The following RAB8B variants were observed in gnomAD, a reference collection of about 807,000 sequenced individuals.
RAB8B encodes the protein ras-related protein Rab-8B.
In RAB8B, 11 loss-of-function variants were observed where a neutral mutation model predicts 32.0. That is an observed-to-expected ratio of 0.34 (90% CI 0.22 to 0.57). The LOEUF (loss-of-function observed/expected upper bound fraction) is 0.57, where lower values mean the gene tolerates loss of function less well. Among genes scored for constraint, RAB8B ranks in the 20% least tolerant of loss-of-function variants. The probability of loss-of-function intolerance (pLI) is 0.86; values close to 1 mark genes in which losing one functional copy is unlikely to be tolerated. For synonymous variants in RAB8B, 103 were observed against 89.6 expected (o/e 1.15, Z -0.85); for missense variants, 190 against 258.5 (o/e 0.73, Z 1.82).
intron 1 of RAB8B, among the ~76,000 whole-genome samples, chr15:63,211,056 A>G (rs556186145): frequency 2.6e-5 from 4 of 152,342 alleles, no homozygotes; most frequent in Non-Finnish European, 5.9e-5. Flanking sequence ...TGCAATATCA[A>G]AAGATAAACA....
Position 63,267,691 on chromosome 15 carries a change from T to A in RAB8B, c.*4072T>A, listed in dbSNP as rs1486272726. ...CTGTGTACTGATACTGATGCTATGT[T>A]TTTTTTAAATGGATTTTATTCCAGG... is the stretch of plus-strand genomic sequence containing the variant. On this transcript the variant is annotated 3_prime_UTR_variant, in exon 8 of 8. Coordinates refer to ENST00000321437, the MANE Select transcript of RAB8B (RefSeq NM_016530.3). The A allele has an allele frequency of 6.6e-6, 1 of 152,240 alleles. No individual in the cohort carries two copies. Among genetic ancestry groups the A allele is most frequent in the Non-Finnish European group, 1.5e-5 (1 of 68,046 alleles). The allele number at this position is 152,240 out of a possible 1,614,324, so 9.4% of individuals were successfully genotyped here. A position where few individuals can be genotyped will look rare whatever the true frequency, so the allele number is the denominator to read the frequency against.
At chr15:63,199,412 A>G (rs1390279016) in intron 1 of RAB8B, among the ~76,000 whole-genome samples, 1 of 152,224 alleles carries the variant, frequency 6.6e-6, no homozygotes, top group Non-Finnish European at 1.5e-5. Context: ...GCCAGTAATG[A>G]ACACAGACCA....
At chr15:63,247,751 CAGA>C (rs1457607987) in intron 2 of RAB8B, among the ~76,000 whole-genome samples, 1 of 152,128 alleles carries the variant, frequency 6.6e-6, no homozygotes, top group African/African-American at 2.4e-5. Flanking sequence ...AGAACTGGGA[CAGA>C]AGAAGAATAT....
intron 1 of RAB8B, among the ~76,000 whole-genome samples, chr15:63,192,694 C>T (rs1015022518): frequency 3.3e-5 from 5 of 152,176 alleles, no homozygotes; most frequent in Admixed American, 6.5e-5. Context: ...TGCCATCTTT[C>T]GACACTGTTT....
chr15:63,253,497 G>A (rs1461604084), intron 3 of RAB8B, among the ~76,000 whole-genome samples: 1 of 152,072 alleles, frequency 6.6e-6, no homozygotes, highest in Non-Finnish European at 1.5e-5. Flanking sequence ...TACCCTTACG[G>A]AAAGTGGATT....
Position 63,244,787 on chromosome 15 carries a change from A to C in RAB8B, c.156A>C (p.Leu52=), listed in dbSNP as rs772347340. Residue 52 remains leucine (L), a synonymous_variant, in exon 2 of 8, where the codon CTA becomes CTC. Coordinates refer to ENST00000321437, the MANE Select transcript of RAB8B (RefSeq NM_016530.3). The part of the protein sequence containing the change: ...GIDFKIRTIE[L]DGKKIKLQIW... ...ATTTTAAAATTAGAACGATAGAACTAGATGGAAAGAAAATTAAGCTTCAGA... is the reference window on the plus strand; with the variant it reads ...ATTTTAAAATTAGAACGATAGAACTCGATGGAAAGAAAATTAAGCTTCAGA... 12 of 1,583,182 alleles carry C rather than the reference A, an allele frequency of 7.6e-6. No individual in the cohort carries two copies. The South Asian group carries it at 1.3e-4, about 18-fold the overall frequency.
chr15:63,262,582 A>G (rs542792206), intron 6 of RAB8B, 110 bp from the exon 7 acceptor site: 34 of 326,622 alleles, frequency 1.0e-4, no homozygotes, highest in Non-Finnish European at 1.7e-4. Flanking sequence ...CCAGGGCAAC[A>G]TAGCAAGACC....
intron 1 of RAB8B, among the ~76,000 whole-genome samples, chr15:63,214,118 C>T (rs1277828862): frequency 2.6e-5 from 4 of 151,616 alleles, no homozygotes; most frequent in African/African-American, 4.8e-5. Context: ...GCTATACCAA[C>T]GTGTAAAATG....
At chr15:63,232,490 A>G (rs1384812288) in intron 1 of RAB8B, among the ~76,000 whole-genome samples, 2 of 152,252 alleles carry the variant, frequency 1.3e-5, no homozygotes, top group South Asian at 2.1e-4. Context: ...TACAGCTGTC[A>G]TATGAAGAAT....
At chr15:63,252,922 A>G (rs2038128951) in intron 3 of RAB8B, among the ~76,000 whole-genome samples, 1 of 152,042 alleles carries the variant, frequency 6.6e-6, no homozygotes, top group Non-Finnish European at 1.5e-5. Flanking sequence ...CTAATTTTGT[A>G]TTTTTAATAG....
chr15:63,215,012 C>T (rs145996353), intron 1 of RAB8B, among the ~76,000 whole-genome samples: 39 of 152,280 alleles, frequency 2.6e-4, no homozygotes, highest in Admixed American at 5.2e-4. Context: ...TTCTGATCTC[C>T]TTTCCTATCC....
chr15:63,196,392 A>G lies in RAB8B; in HGVS notation c.124+6644A>G, dbSNP rs139959801. Among the ~76,000 whole-genome samples, 32 of 152,332 alleles carry G rather than the reference A, an allele frequency of 2.1e-4. No individual in the cohort carries two copies. In the East Asian group the frequency reaches 6.2e-3, roughly 29 times the overall value. ...GAGGTGGACTAGTATGTTTGGCATT[A>G]TGGAGATAGCATGTTGAATTAAGAG... On this transcript the variant is annotated intron_variant, in intron 1 of 7. Coordinates refer to ENST00000321437, the MANE Select transcript of RAB8B (RefSeq NM_016530.3).
At chr15:63,212,428 T>A (rs1370300218) in intron 1 of RAB8B, among the ~76,000 whole-genome samples, 1 of 152,178 alleles carries the variant, frequency 6.6e-6, no homozygotes, top group African/African-American at 2.4e-5. Flanking sequence ...GCGTGAAAAT[T>A]TTTGTACTAG....
chr15:63,191,183 G>A (rs540828028), intron 1 of RAB8B, among the ~76,000 whole-genome samples: 29 of 152,220 alleles, frequency 1.9e-4, no homozygotes, highest in African/African-American at 7.0e-4. Context: ...TCTTTCGTAT[G>A]GTTCTTACAG....
intron 7 of RAB8B, among the ~76,000 whole-genome samples, chr15:63,263,200 A>G (rs888984053): frequency 3.9e-5 from 6 of 152,216 alleles, no homozygotes; most frequent in African/African-American, 1.2e-4. Flanking sequence ...AGAACTGTCT[A>G]TGCCAGTATC....
At chr15:63,206,125 A>T (rs2037696100) in intron 1 of RAB8B, among the ~76,000 whole-genome samples, 1 of 152,234 alleles carries the variant, frequency 6.6e-6, no homozygotes, top group East Asian at 1.9e-4. Flanking sequence ...TTATTAGCAC[A>T]TACATACGTT....
chr15:63,237,890 C>T (rs1595745173), intron 1 of RAB8B, among the ~76,000 whole-genome samples: 1 of 151,884 alleles, frequency 6.6e-6, no homozygotes, highest in African/African-American at 2.4e-5. Flanking sequence ...GTCTTTAATC[C>T]ATTTTGATTT....
rs146977628 is a variant in RAB8B, at chr15:63,199,639, G to A, written c.124+9891G>A. 2.4e-3 allele frequency among the ~76,000 whole-genome samples: 367 copies of A among 152,112 alleles called. 3 individuals are homozygous for A. Among genetic ancestry groups the A allele is most frequent in the African/African-American group, 7.8e-3 (325 of 41,510 alleles). ...TATGTCTTTATTTTGGCCCTTCAGC[G>A]TTCAACTTTGGGTTTTTTTTGTTTG... On this transcript the variant is annotated intron_variant, in intron 1 of 7. Transcript: ENST00000321437.
intron 1 of RAB8B, among the ~76,000 whole-genome samples, chr15:63,226,055 G>T (rs1451958598): frequency 3.3e-5 from 5 of 152,052 alleles, no homozygotes; most frequent in Admixed American, 2.6e-4. Context: ...TCCCAGGCTG[G>T]TCTTGAACTC....
Sources: allele counts gnomAD v4.1 joint callset (sites outside exome capture counted in the v4.1 genomes callset), GRCh38; gene constraint gnomAD v4.1.1; transcripts MANE v1.5; gene names NCBI Gene and HGNC (gene_info 2026-07-23, HGNC 2026-07-21).